Variants in PREX1 observed in about 807,000 individuals in gnomAD.
The protein encoded by PREX1 is phosphatidylinositol 3,4,5-trisphosphate-dependent Rac exchanger 1 protein.
A neutral mutation model predicts 198.3 loss-of-function variants in PREX1; 41 were observed. The ratio of observed to expected loss-of-function variants is 0.21; its 90% CI spans 0.16 to 0.27. The LOEUF is 0.27. Among genes scored for constraint, PREX1 ranks in the 10% least tolerant of loss-of-function variants. The probability of loss-of-function intolerance (pLI) is 1.00; values close to 1 mark genes in which losing one functional copy is unlikely to be tolerated. For missense variants in PREX1, 1,620 were observed against 2,200.7 expected (o/e 0.74, Z 5.28); for synonymous variants, 843 against 887.2 (o/e 0.95, Z 0.89).
chr20:48,796,957 G>A (rs2090365727), intron 1 of PREX1, among the ~76,000 whole-genome samples: 1 of 152,014 alleles, frequency 6.6e-6, no homozygotes, highest in South Asian at 2.1e-4. Context: ...TACTGACTGG[G>A]AGAAGACACC....
the PREX1 span, among the ~76,000 whole-genome samples, chr20:48,852,450 T>C: frequency 6.6e-6 from 1 of 152,206 alleles, no homozygotes; most frequent in Non-Finnish European, 1.5e-5. Flanking sequence ...CCTGTCAAAA[T>C]TATAAATGCA....
chr20:48,841,618 AAATGAATGAGTG>A, the PREX1 span, among the ~76,000 whole-genome samples: 1 of 152,234 alleles, frequency 6.6e-6, no homozygotes, highest in Admixed American at 6.5e-5. Flanking sequence ...CTGGATGAAT[AAATGAATGAGTG>A]AATGAATGAA....
At chr20:48,662,009 C>T (rs549339291) in intron 15 of PREX1, among the ~76,000 whole-genome samples, 3 of 152,336 alleles carry the variant, frequency 2.0e-5, no homozygotes, top group South Asian at 4.1e-4. Context: ...ACATCCCCCT[C>T]GTCCCTGAAG....
the PREX1 span, among the ~76,000 whole-genome samples, chr20:48,879,374 G>T: frequency 6.6e-6 from 1 of 152,264 alleles, no homozygotes; most frequent in Admixed American, 6.5e-5. Flanking sequence ...GACCAGTGTA[G>T]TTATACTGGT....
chr20:48,689,516 C>A (rs1277393150), intron 9 of PREX1, among the ~76,000 whole-genome samples: 3 of 152,158 alleles, frequency 2.0e-5, no homozygotes, highest in Admixed American at 1.3e-4. Context: ...CACCCCAGCC[C>A]TGAGGTCAGG....
chr20:48,628,062 C>A lies in PREX1; in HGVS notation c.4767-99G>T. ...GGACAGTGGGTGAGAGCTGGGGCAA[C>A]TTCCTGTCCCTCCGAGGCCTCCCAG... On this transcript the variant is annotated intron_variant, in intron 37 of 39. Coordinates refer to ENST00000371941, the MANE Select transcript of PREX1 (RefSeq NM_020820.4). The A allele has an allele frequency of 4.6e-6, 4 of 873,466 alleles. No individual in the cohort carries two copies. In the South Asian group the frequency reaches 4.8e-5, roughly 10 times the overall value. The allele number at this position is 873,466 out of a possible 1,614,324, so 54.1% of individuals were successfully genotyped here.
the PREX1 span, among the ~76,000 whole-genome samples, chr20:48,855,396 A>C: frequency 6.6e-6 from 1 of 152,130 alleles, no homozygotes; most frequent in Non-Finnish European, 1.5e-5. Flanking sequence ...TACCAAGTCC[A>C]TCCTGGCGGC....
chr20:48,639,984 C>A, intron 29 of PREX1, 90 bp from the exon 30 acceptor site: 1 of 1,479,020 alleles, frequency 6.8e-7, no homozygotes, highest in Non-Finnish European at 9.3e-7. Flanking sequence ...CATCACAGAT[C>A]CCAGAGCTCA....
intron 15 of PREX1, among the ~76,000 whole-genome samples, chr20:48,661,065 T>C (rs1348262949): frequency 6.6e-6 from 1 of 152,162 alleles, no homozygotes; most frequent in Admixed American, 6.6e-5. Context: ...TTGGATACTG[T>C]GACAAGCTGT....
chr20:48,731,611 C>G (rs2090034982), intron 4 of PREX1, among the ~76,000 whole-genome samples: 1 of 152,226 alleles, frequency 6.6e-6, no homozygotes, highest in Non-Finnish European at 1.5e-5. Context: ...CATCACTCAG[C>G]TGGTGCCCAG....
intron 32 of PREX1, among the ~76,000 whole-genome samples, chr20:48,636,164 G>C (rs2089361293): frequency 6.6e-6 from 1 of 152,220 alleles, no homozygotes; most frequent in Admixed American, 6.5e-5. Flanking sequence ...GTGTCCCCTA[G>C]TGGGGAAACT....
intron 5 of PREX1, among the ~76,000 whole-genome samples, chr20:48,713,872 A>AAG (rs10700676): frequency 0.29 from 42,862 of 147,648 alleles, 8,238 homozygotes; most frequent in African/African-American, 0.55. Flanking sequence ...AAAAAAAAAA[A>AAG]AAAAGAAAAT....
At chr20:48,741,346 T>A (rs958380438) in intron 3 of PREX1, among the ~76,000 whole-genome samples, 1 of 151,214 alleles carries the variant, frequency 6.6e-6, no homozygotes, top group African/African-American at 2.4e-5. Flanking sequence ...ATTTTTTTTT[T>A]ATTTTATTTT....
At chr20:48,754,250 A>G (rs1293422337) in intron 1 of PREX1, among the ~76,000 whole-genome samples, 1 of 152,234 alleles carries the variant, frequency 6.6e-6, no homozygotes, top group Non-Finnish European at 1.5e-5. Flanking sequence ...GGAGGCAGGC[A>G]TTGTTATTAC....
chr20:48,827,640 AC>A lies in PREX1; in HGVS notation c.219+1del. 1 of 1,302,406 alleles carries A rather than the reference AC, an allele frequency of 7.7e-7. No individual in the cohort carries two copies. Among genetic ancestry groups the A allele is most frequent in the Non-Finnish European group, 9.9e-7 (1 of 1,013,314 alleles). 80.7% of individuals were successfully genotyped at this position (1,302,406 alleles called of 1,614,324 possible). ...GTCCCCAAGCTCCCGAGCGACACTCACCGACTGCAAGAAGCGCAAGGTGCCC... is the reference window on the plus strand; with the variant it reads ...GTCCCCAAGCTCCCGAGCGACACTCACGACTGCAAGAAGCGCAAGGTGCCC... On this transcript the variant is annotated splice_donor_variant, in intron 1 of 39. Coordinates refer to ENST00000371941, the MANE Select transcript of PREX1 (RefSeq NM_020820.4). LOFTEE classifies it high-confidence loss of function. This position sits in a 1 kb window ranked among gnomAD's most constrained non-coding sequence, Gnocchi z 4.1.
chr20:48,794,000 G>A (rs2090349600), intron 1 of PREX1, among the ~76,000 whole-genome samples: 1 of 152,150 alleles, frequency 6.6e-6, no homozygotes, highest in South Asian at 2.1e-4. Context: ...TTACTCACCA[G>A]GCAGAATATG....
intron 1 of PREX1, among the ~76,000 whole-genome samples, chr20:48,804,036 C>T (rs1296366358): frequency 6.6e-6 from 1 of 152,238 alleles, no homozygotes; most frequent in East Asian, 1.9e-4. Flanking sequence ...ATTTTCTCCC[C>T]TGGACTGGAG....
chr20:48,633,906 C>G (rs1330138671), intron 33 of PREX1, among the ~76,000 whole-genome samples: 3 of 152,088 alleles, frequency 2.0e-5, no homozygotes, highest in Admixed American at 6.5e-5. Context: ...GTTACATGGC[C>G]CAAAACGCAG....
chr20:48,642,909 A>AATT (rs1300177518), intron 27 of PREX1, among the ~76,000 whole-genome samples: 1 of 152,202 alleles, frequency 6.6e-6, no homozygotes, highest in African/African-American at 2.4e-5. Flanking sequence ...TCTGTATCTA[A>AATT]AGTTCAACAA....
Sources: allele counts gnomAD v4.1 joint callset (sites outside exome capture counted in the v4.1 genomes callset), GRCh38; gene constraint gnomAD v4.1.1; non-coding constraint Gnocchi (gnomAD v3.1); transcripts MANE v1.5; gene names NCBI Gene and HGNC (gene_info 2026-07-23, HGNC 2026-07-21).